Variants in ERICH6B observed in about 807,000 individuals in gnomAD.
ERICH6B encodes the protein glutamate-rich protein 6B.
A neutral mutation model predicts 80.0 loss-of-function variants in ERICH6B; 69 were observed. The observed-to-expected ratio is 0.86, with a 90% CI of 0.71 to 1.05. The LOEUF (loss-of-function observed/expected upper bound fraction) is 1.05, where lower values mean the gene tolerates loss of function less well. ERICH6B is among the 50% of genes least tolerant of loss of function. ERICH6B has a pLI of 0.00. For synonymous variants in ERICH6B, 283 were observed against 291.9 expected (o/e 0.97, Z 0.31); for missense variants, 754 against 796.1 (o/e 0.95, Z 0.64).
At position 45,596,882 on chromosome 13, in the gene ERICH6B, T is replaced by G; in HGVS notation, c.124A>C (p.Ser42Arg). 6.4e-7 allele frequency: 1 copy of G among 1,551,874 alleles called. No homozygotes were observed. ...GAAAATGGAGATTCATCCTGTAGACTTTCCTCATCTAGTTCTACTTCAGTA... is the reference window on the plus strand; with the variant it reads ...GAAAATGGAGATTCATCCTGTAGACGTTCCTCATCTAGTTCTACTTCAGTA... ...EDTEVELDEE[S>R]LQDESPFSPE... The change falls in exon 3 of 15, where the codon AGT becomes CGT. Residue 42 changes from serine (S) to arginine (R), a missense_variant. Physicochemically the swap from Ser to Arg is moderately radical, Grantham distance 110. Coordinates refer to ENST00000298738, the MANE Select transcript of ERICH6B (RefSeq NM_182542.3).
chr13:45,541,307 C>T lies in ERICH6B; in HGVS notation c.*155G>A. The T allele has an allele frequency of 3.0e-6, 2 of 668,430 alleles. No individual in the cohort carries two copies. Among genetic ancestry groups the T allele is most frequent in the Non-Finnish European group, 5.0e-6 (2 of 396,578 alleles). 41.4% of individuals were successfully genotyped at this position (668,430 alleles called of 1,614,324 possible). On this transcript the variant is annotated 3_prime_UTR_variant, in exon 15 of 15. Coordinates refer to ENST00000298738, the MANE Select transcript of ERICH6B (RefSeq NM_182542.3). ...CCACAGACTCTGTTAGCCCTTCTGC[C>T]AAAAATGTTTACTTCAAATCAAGGA... is the stretch of plus-strand genomic sequence containing the variant.
At chr13:45,588,261 A>G (rs951248222) in intron 4 of ERICH6B, among the ~76,000 whole-genome samples, 2 of 152,164 alleles carry the variant, frequency 1.3e-5, no homozygotes, top group African/African-American at 2.4e-5. Flanking sequence ...CAGGGTCTGT[A>G]GGAGTTTCAG....
intron 4 of ERICH6B, among the ~76,000 whole-genome samples, 152 bp downstream of exon 4, chr13:45,590,497 C>T (rs1018994250): frequency 1.3e-5 from 2 of 152,158 alleles, no homozygotes; most frequent in South Asian, 2.1e-4. Flanking sequence ...GTGGCAGAGG[C>T]GAGCAGGGTT....
At position 45,600,140 on chromosome 13, in the gene ERICH6B, C is replaced by T. The variant is rs557556125; in HGVS notation, c.-58-3077G>A. 2.0e-5 allele frequency among the ~76,000 whole-genome samples: 3 copies of T among 152,280 alleles called. No individual in the cohort carries two copies. In the East Asian group the frequency reaches 5.8e-4, roughly 29 times the overall value. On this transcript the variant is annotated intron_variant, in intron 2 of 14. Transcript: ENST00000298738. ...TCTTCCATTGTAAAGGAGGCCCCTT[C>T]AGCTTTATTTATCTAAAACCTCAAC...
chr13:45,541,709 G>A (rs1395602412), intron 14 of ERICH6B, 29 bp from the exon 15 acceptor site: 3 of 1,545,604 alleles, frequency 1.9e-6, no homozygotes, highest in African/African-American at 1.4e-5. Context: ...GACTGGGTGA[G>A]AATGCATGCT....
At position 45,541,621 on chromosome 13, in the gene ERICH6B, G is replaced by A. The variant is rs377474462; in HGVS notation, c.1932C>T (p.Pro644=). The A allele has an allele frequency of 1.4e-4, 215 of 1,551,532 alleles. 1 individual carries two copies. The highest frequency in any genetic ancestry group is 1.7e-4 in the Non-Finnish European group (198 of 1,147,018). ...CCCGGATCTTCTGGGCTGTTGGGCC[G>A]GGTTCTGCCTCCAGGATGGTTTTCT... ...MKKKTILEAE[P]GPTAQKIRVL... Residue 644 remains proline (P), a synonymous_variant, in exon 15 of 15, where the codon CCC becomes CCT. Transcript: ENST00000298738.
At chr13:45,548,206 C>T (rs144601876) in intron 13 of ERICH6B, among the ~76,000 whole-genome samples, 7 of 152,298 alleles carry the variant, frequency 4.6e-5, no homozygotes, top group African/African-American at 1.4e-4. Context: ...AAATGGAAAT[C>T]GAAAAGTGAC....
At chr13:45,550,382 G>C in intron 11 of ERICH6B, 66 bp from the exon 12 acceptor site, 5 of 1,360,916 alleles carry the variant, frequency 3.7e-6, no homozygotes, top group Non-Finnish European at 5.1e-6. Flanking sequence ...TCCTACTGCA[G>C]AGCACGGTGT....
chr13:45,600,462 T>C (rs945277402), intron 2 of ERICH6B, among the ~76,000 whole-genome samples: 1 of 152,212 alleles, frequency 6.6e-6, no homozygotes, highest in Non-Finnish European at 1.5e-5. Context: ...AGCACCCAAA[T>C]AGCATACATT....
chr13:45,597,836 T>A (rs970858215), intron 2 of ERICH6B, among the ~76,000 whole-genome samples: 5 of 152,164 alleles, frequency 3.3e-5, no homozygotes, highest in African/African-American at 1.2e-4. Context: ...TTATTCTTTT[T>A]TGAAAATAGA....
intron 8 of ERICH6B, among the ~76,000 whole-genome samples, chr13:45,570,231 G>A (rs1441867260): frequency 6.6e-6 from 1 of 152,100 alleles, no homozygotes; most frequent in African/African-American, 2.4e-5. Context: ...GACCTCTCCT[G>A]GGTTAATATC....
chr13:45,541,403 G>A lies in ERICH6B; in HGVS notation c.*59C>T. On this transcript the variant is annotated 3_prime_UTR_variant, in exon 15 of 15. Coordinates refer to ENST00000298738, the MANE Select transcript of ERICH6B (RefSeq NM_182542.3). ...ACAGGTCTTTGGGTTTTTTTTCCCT[G>A]GAGCTCCCAAGGTCTCCAACTTCCT... 2.8e-6 allele frequency: 4 copies of A among 1,446,316 alleles called. No homozygotes were observed. The South Asian group carries it at 5.2e-5, about 19-fold the overall frequency. 89.6% of individuals were successfully genotyped at this position (1,446,316 alleles called of 1,614,324 possible).
intron 8 of ERICH6B, among the ~76,000 whole-genome samples, chr13:45,572,652 A>G (rs183858841): frequency 2.9e-4 from 44 of 152,372 alleles, no homozygotes; most frequent in African/African-American, 1.0e-3. Flanking sequence ...TGACCCTGTC[A>G]TGGAAAATAC....
intron 8 of ERICH6B, among the ~76,000 whole-genome samples, chr13:45,570,520 C>T (rs1875108772): frequency 6.6e-6 from 1 of 152,186 alleles, no homozygotes; most frequent in African/African-American, 2.4e-5. Flanking sequence ...GGTTGATAGA[C>T]CCCCTCCAAA....
chr13:45,565,138 T>A (rs766515075), intron 9 of ERICH6B, among the ~76,000 whole-genome samples: 1 of 152,174 alleles, frequency 6.6e-6, no homozygotes, highest in Non-Finnish European at 1.5e-5. Flanking sequence ...TTGGTGTTTT[T>A]TTTTTGCTGA....
intron 9 of ERICH6B, among the ~76,000 whole-genome samples, 176 bp downstream of exon 9, chr13:45,568,139 G>A (rs1254174164): frequency 1.3e-5 from 2 of 152,160 alleles, no homozygotes. Flanking sequence ...CTGCCCATCT[G>A]ACCCCTGGAT....
At chr13:45,615,356 T>G (rs184630416) in intron 1 of ERICH6B, among the ~76,000 whole-genome samples, 2 of 152,200 alleles carry the variant, frequency 1.3e-5, no homozygotes, top group Non-Finnish European at 2.9e-5. Context: ...ACACTCGCAC[T>G]TCCCCCCAGA....
intron 10 of ERICH6B, among the ~76,000 whole-genome samples, chr13:45,561,753 A>G (rs1874691792): frequency 6.6e-6 from 1 of 152,160 alleles, no homozygotes; most frequent in Non-Finnish European, 1.5e-5. Context: ...CATTCACTCA[A>G]CATGTACTTA....
chr13:45,542,377 G>A (rs1873814607), intron 14 of ERICH6B, among the ~76,000 whole-genome samples: 2 of 152,224 alleles, frequency 1.3e-5, no homozygotes, highest in Non-Finnish European at 1.5e-5. Flanking sequence ...GCTGGGCATG[G>A]AGGCGCCTGT....
Sources: gnomAD v4.1 joint callset for allele counts (sites outside exome capture counted in the v4.1 genomes callset) on GRCh38, gnomAD v4.1.1 for gene constraint, MANE v1.5 for transcripts, NCBI Gene and HGNC (gene_info 2026-07-23, HGNC 2026-07-21) for gene names.